The following ATXN1 variants were observed in gnomAD, a reference collection of about 807,000 sequenced individuals.
ATXN1 encodes the protein ataxin 1, also known as ataxin-1.
A neutral mutation model predicts 56.4 loss-of-function variants in ATXN1; 8 were observed. The ratio of observed to expected loss-of-function variants is 0.14; its 90% CI spans 0.08 to 0.26. The LOEUF is 0.26. Among genes scored for constraint, ATXN1 ranks in the 10% least tolerant of loss-of-function variants. The pLI is 1.00. For synonymous variants in ATXN1, 514 were observed against 494.6 expected, an observed-to-expected ratio of 1.04 and a Z score of -0.52; for missense variants, 987 against 1,106.5, an observed-to-expected ratio of 0.89 and a Z score of 1.53.
At chr6:16,501,733 T>A (rs1363089929) in intron 5 of ATXN1, among the ~76,000 whole-genome samples, 1 of 152,180 alleles carries the variant, frequency 6.6e-6, no homozygotes, top group East Asian at 1.9e-4. Flanking sequence ...TGATGGGCAT[T>A]TGGGTTGGTT....
intron 6 of ATXN1, among the ~76,000 whole-genome samples, chr6:16,440,139 T>C (rs1411122706): frequency 6.7e-6 from 1 of 150,264 alleles, no homozygotes; most frequent in Non-Finnish European, 1.5e-5. Flanking sequence ...CCCAGCACTT[T>C]GGGAGGTCTA....
rs113345902 is a variant in ATXN1 at position 16,644,563 on chromosome 6, G to GGTGTGTGT, written c.-489+13205_-489+13212dup. ...ATGGTAAATTTATGGTAAATTTTAT[G>GGTGTGTGT]GTGTGTGTGTGTGTGTGTGTGTGTA... On this transcript the variant is annotated intron_variant, in intron 3 of 7. Transcript: ENST00000436367. Among the ~76,000 whole-genome samples the GGTGTGTGT allele has an allele frequency of 3.3e-3, 465 of 142,918 alleles. 3 individuals are homozygous for GGTGTGTGT. The highest frequency in any genetic ancestry group is 9.2e-3 in the African/African-American group (354 of 38,528). 93.8% of individuals were successfully genotyped at this position (142,918 alleles called of 152,430 possible).
intron 6 of ATXN1, among the ~76,000 whole-genome samples, chr6:16,429,815 T>C (rs1313684935): frequency 6.6e-6 from 1 of 152,204 alleles, no homozygotes; most frequent in Non-Finnish European, 1.5e-5. Flanking sequence ...ACCTCCCTCT[T>C]GACAAACGGG....
In ATXN1 at chr6:16,301,103, CAAAG is replaced by C. The variant is rs1166625164; in HGVS notation, c.*5222_*5225del. The stretch of plus-strand genomic sequence containing the variant: ...TTCTCTGCTTTTTTTTTTTTACAAA[CAAAG>C]TATGAAACTCATTGTTTCAACAGAG... On this transcript the variant is annotated 3_prime_UTR_variant, in exon 8 of 8. Transcript: ENST00000436367. The C allele has an allele frequency of 1.6e-4, 21 of 128,694 alleles. 1 individual carries two copies. The highest frequency in any genetic ancestry group is 5.1e-5 in the Non-Finnish European group (3 of 58,932). The allele number at this position is 128,694 out of a possible 1,614,324, so 8.0% of individuals were successfully genotyped here.
chr6:16,512,049 C>G (rs1267032030), intron 5 of ATXN1, among the ~76,000 whole-genome samples: 1 of 152,174 alleles, frequency 6.6e-6, no homozygotes, highest in African/African-American at 2.4e-5. Flanking sequence ...GTTCAATTAC[C>G]AGGCAGGATG....
intron 3 of ATXN1, among the ~76,000 whole-genome samples, chr6:16,606,299 T>C (rs1338317391): frequency 6.6e-6 from 1 of 152,238 alleles, no homozygotes; most frequent in Non-Finnish European, 1.5e-5. Context: ...TACATAGTGC[T>C]GCTAAGAAAG....
At chr6:16,512,116 C>T (rs1761094802) in intron 5 of ATXN1, among the ~76,000 whole-genome samples, 1 of 152,236 alleles carries the variant, frequency 6.6e-6, no homozygotes. Flanking sequence ...TCCCCGCCTC[C>T]ATTCAGCGTC....
chr6:16,610,858 T>TAA lies in ATXN1; in HGVS notation c.-488-24953_-488-24952dup, dbSNP rs10719124. On this transcript the variant is annotated intron_variant, in intron 3 of 7. Transcript: ENST00000436367. ...GGACAACACATCGAGACGTCATCTA[T>TAA]AAAAAAAAAAAAAAAAAATAAAGTT... is the stretch of plus-strand genomic sequence containing the variant. 8.2e-4 allele frequency among the ~76,000 whole-genome samples: 112 copies of TAA among 136,338 alleles called. 1 individual carries two copies. Among genetic ancestry groups the TAA allele is most frequent in the African/African-American group, 2.7e-3 (97 of 36,178 alleles). The allele number at this position is 136,338 out of a possible 152,430, so 89.4% of individuals were successfully genotyped here.
At chr6:16,390,404 T>C (rs1188596844) in intron 6 of ATXN1, among the ~76,000 whole-genome samples, 2 of 152,144 alleles carry the variant, frequency 1.3e-5, no homozygotes, top group Non-Finnish European at 2.9e-5. Context: ...CTTTCTCTCA[T>C]ACACTGCACT....
At chr6:16,329,260 A>T (rs1052976900) in intron 6 of ATXN1, among the ~76,000 whole-genome samples, 4 of 152,120 alleles carry the variant, frequency 2.6e-5, no homozygotes, top group African/African-American at 9.7e-5. Flanking sequence ...CCAGGCACTG[A>T]GAAAAAGCAG....
intron 6 of ATXN1, among the ~76,000 whole-genome samples, chr6:16,431,119 GT>G (rs894094392): frequency 1.3e-5 from 2 of 151,962 alleles, no homozygotes; most frequent in Admixed American, 6.6e-5. Context: ...CAGATGTGGG[GT>G]TTTTTTGGGG....
intron 4 of ATXN1, among the ~76,000 whole-genome samples, chr6:16,569,528 G>GGA (rs72456659): frequency 3.1e-5 from 3 of 96,404 alleles, no homozygotes; most frequent in African/African-American, 4.2e-5. Context: ...CTCCGTCTCA[G>GGA]AAAAAAAAAA....
At chr6:16,711,049 A>G (rs1759512003) in intron 2 of ATXN1, among the ~76,000 whole-genome samples, 1 of 152,332 alleles carries the variant, frequency 6.6e-6, no homozygotes, top group Admixed American at 6.5e-5. Flanking sequence ...AGCCCAGCCC[A>G]TGACAGTATT....
intron 7 of ATXN1, among the ~76,000 whole-genome samples, chr6:16,307,798 A>C (rs1760286650): frequency 6.6e-6 from 1 of 152,230 alleles, no homozygotes; most frequent in East Asian, 1.9e-4. Context: ...GCAAACAAAT[A>C]AATTTAAAAA....
chr6:16,478,241 G>C (rs559067472), intron 6 of ATXN1, among the ~76,000 whole-genome samples: 1 of 152,294 alleles, frequency 6.6e-6, no homozygotes, highest in South Asian at 2.1e-4. Context: ...GCTTGATGTG[G>C]TAGTGACTGA....
chr6:16,395,787 G>A (rs1758443180), intron 6 of ATXN1, among the ~76,000 whole-genome samples: 1 of 152,124 alleles, frequency 6.6e-6, no homozygotes, highest in Non-Finnish European at 1.5e-5. Context: ...GGAGGCCAAG[G>A]TGGGCAGATC....
At chr6:16,386,632 C>T (rs1311776111) in intron 6 of ATXN1, among the ~76,000 whole-genome samples, 1 of 152,100 alleles carries the variant, frequency 6.6e-6, no homozygotes, top group Non-Finnish European at 1.5e-5. Context: ...GCCACCAGGG[C>T]TGGGTCTCTG....
At chr6:16,492,947 ATCT>A (rs1760698588) in intron 5 of ATXN1, among the ~76,000 whole-genome samples, 1 of 152,174 alleles carries the variant, frequency 6.6e-6, no homozygotes, top group Non-Finnish European at 1.5e-5. Flanking sequence ...CAGCATCATC[ATCT>A]TCTACTCTTT....
At chr6:16,507,151 A>C (rs1581808206) in intron 5 of ATXN1, among the ~76,000 whole-genome samples, 1 of 152,180 alleles carries the variant, frequency 6.6e-6, no homozygotes, top group South Asian at 2.1e-4. Flanking sequence ...AACTTTTAAT[A>C]TGAATTTGTC....
Sources: allele counts gnomAD v4.1 joint callset (sites outside exome capture counted in the v4.1 genomes callset), GRCh38; gene constraint gnomAD v4.1.1; transcripts MANE v1.5; gene names NCBI Gene and HGNC (gene_info 2026-07-23, HGNC 2026-07-21).